NOX4: variants seen among roughly 807,000 people sequenced by gnomAD.
The protein encoded by NOX4 is NADPH oxidase 4.
A neutral mutation model predicts 87.6 loss-of-function variants in NOX4; 69 were observed. The ratio of observed to expected loss-of-function variants is 0.79; its 90% CI spans 0.65 to 0.96. The LOEUF is 0.96. NOX4 is among the 40% of genes least tolerant of loss of function. The pLI is 0.00. For synonymous variants in NOX4, 275 were observed against 238.2 expected (o/e 1.15, Z -1.42); for missense variants, 680 against 681.5 (o/e 1.00, Z 0.02).
At chr11:89,574,431 C>G in the NOX4 span, among the ~76,000 whole-genome samples, 1 of 152,178 alleles carries the variant, frequency 6.6e-6, no homozygotes, top group Non-Finnish European at 1.5e-5. Flanking sequence ...GCTCTTCTCT[C>G]TAGATTTCTG....
At chr11:89,411,063 G>C (rs1486479998) in intron 8 of NOX4, among the ~76,000 whole-genome samples, 4 of 152,122 alleles carry the variant, frequency 2.6e-5, no homozygotes, top group African/African-American at 9.7e-5. Flanking sequence ...CCTGGGCAGA[G>C]GCCTGAGGCC....
At chr11:89,403,674 G>A (rs1482674447) in intron 8 of NOX4, among the ~76,000 whole-genome samples, 7 of 152,126 alleles carry the variant, frequency 4.6e-5, no homozygotes, top group South Asian at 4.2e-4. Flanking sequence ...CCCGGGAGGC[G>A]GAGGTTGCGG....
At chr11:89,364,698 C>T (rs759662538) in intron 12 of NOX4, among the ~76,000 whole-genome samples, 13 of 152,024 alleles carry the variant, frequency 8.6e-5, no homozygotes, top group Admixed American at 8.5e-4. Context: ...CATAGTATTC[C>T]TGTAATATTT....
intron 8 of NOX4, among the ~76,000 whole-genome samples, chr11:89,420,610 A>G (rs918799127): frequency 1.3e-5 from 2 of 152,120 alleles, no homozygotes; most frequent in Admixed American, 6.6e-5. Context: ...AATCAGGTGG[A>G]AAAAAGCCAA....
At chr11:89,562,807 A>C in the NOX4 span, among the ~76,000 whole-genome samples, 4 of 152,170 alleles carry the variant, frequency 2.6e-5, no homozygotes, top group South Asian at 2.1e-4. Flanking sequence ...CAATTAGATC[A>C]TATGATACCA....
the NOX4 span, among the ~76,000 whole-genome samples, chr11:89,552,847 CAG>C: frequency 0.027 from 4,116 of 152,216 alleles, 138 homozygotes; most frequent in African/African-American, 0.082. Flanking sequence ...GAGTCAAAAT[CAG>C]AGCGGAATTC....
rs750563604 is a variant in NOX4 at position 89,340,091 on chromosome 11, G to C, written c.1418C>G (p.Ala473Gly). Residue 473 changes from alanine to glycine, a missense_variant, in exon 15 of 18, where the codon GCA becomes GGA. Physicochemically the swap from Ala to Gly is moderately conservative, Grantham distance 60. Transcript: ENST00000263317. The stretch of plus-strand genomic sequence containing the variant: ...GTTATGCAACATACAGAGTAAATCT[G>C]CAAACCAACGGAAGGACTGGATATC... Reference protein sequence around the residue: ...CRDIQSFRWFADLLCMLHNKF... With the variant: ...CRDIQSFRWFGDLLCMLHNKF... 1.9e-6 allele frequency: 3 copies of C among 1,569,490 alleles called. No individual in the cohort carries two copies. Among genetic ancestry groups the C allele is most frequent in the Non-Finnish European group, 2.6e-6 (3 of 1,164,580 alleles).
chr11:89,444,064 GA>G (rs1326984180), intron 5 of NOX4, 70 bp downstream of exon 5: 6 of 1,347,478 alleles, frequency 4.5e-6, no homozygotes, highest in Middle Eastern at 1.8e-4. Context: ...AATTTTCAGG[GA>G]AAAATCACAG....
At chr11:89,400,889 A>C (rs1318674427) in intron 9 of NOX4, among the ~76,000 whole-genome samples, 1 of 151,410 alleles carries the variant, frequency 6.6e-6, no homozygotes, top group East Asian at 1.9e-4. Flanking sequence ...ACATATGTTT[A>C]AAGATGCAAT....
the NOX4 span, among the ~76,000 whole-genome samples, chr11:89,524,517 A>T: frequency 6.6e-6 from 1 of 152,068 alleles, no homozygotes; most frequent in African/African-American, 2.4e-5. Flanking sequence ...ACCATATCAG[A>T]CCATTGATTC....
chr11:89,405,240 A>C (rs1182327591), intron 8 of NOX4, among the ~76,000 whole-genome samples: 1 of 152,012 alleles, frequency 6.6e-6, no homozygotes, highest in Non-Finnish European at 1.5e-5. Context: ...AGAGTAGTGA[A>C]TGTTGTTACT....
chr11:89,354,729 C>T (rs16913167), intron 13 of NOX4, among the ~76,000 whole-genome samples: 2,304 of 152,238 alleles, frequency 0.015, 66 homozygotes, highest in African/African-American at 0.051. Flanking sequence ...CTGCACTGTG[C>T]GGCAGCTCCT....
the NOX4 span, among the ~76,000 whole-genome samples, chr11:89,506,816 A>G: frequency 6.6e-6 from 1 of 151,980 alleles, no homozygotes; most frequent in East Asian, 1.9e-4. Flanking sequence ...ATAGGCAAAC[A>G]TAACTAAACA....
At chr11:89,380,450 G>T (rs1378429819) in intron 11 of NOX4, among the ~76,000 whole-genome samples, 1 of 152,144 alleles carries the variant, frequency 6.6e-6, no homozygotes, top group East Asian at 1.9e-4. Context: ...GTTGATTTAA[G>T]AGAATGAGAG....
intron 6 of NOX4, among the ~76,000 whole-genome samples, chr11:89,439,683 C>A (rs563618234): frequency 6.6e-6 from 1 of 152,222 alleles, no homozygotes; most frequent in South Asian, 2.1e-4. Flanking sequence ...TCCCCAAATG[C>A]ATCTTTATTC....
chr11:89,344,412 C>T (rs985295555), intron 13 of NOX4, among the ~76,000 whole-genome samples: 8 of 151,952 alleles, frequency 5.3e-5, no homozygotes, highest in Non-Finnish European at 7.4e-5. Flanking sequence ...TAGCTGGGCA[C>T]GGTGGCACAT....
chr11:89,335,231 T>C (rs1192714966), intron 17 of NOX4, among the ~76,000 whole-genome samples: 1 of 151,746 alleles, frequency 6.6e-6, no homozygotes, highest in Non-Finnish European at 1.5e-5. Context: ...AAAAGACAAA[T>C]GGGCTGGCTG....
the NOX4 span, among the ~76,000 whole-genome samples, chr11:89,579,922 A>G: frequency 6.6e-6 from 1 of 152,138 alleles, no homozygotes; most frequent in Admixed American, 6.5e-5. Context: ...ATGAAAAAAA[A>G]AAAGACCATT....
Position 89,405,271 on chromosome 11 carries a change from C to T in NOX4, c.630-2729G>A, listed in dbSNP as rs184303251. Among the ~76,000 whole-genome samples the T allele has an allele frequency of 2.1e-3, 327 of 152,104 alleles. 1 individual carries two copies. The highest frequency in any genetic ancestry group is 3.6e-3 in the Non-Finnish European group (243 of 67,966). ...TTACTATACAGTAAAGTTCTTCAGG[C>T]CAGCCCAATCAAACATTTGTGCTGT... On this transcript the variant is annotated intron_variant, in intron 8 of 17. Transcript: ENST00000263317.
Sources: allele counts gnomAD v4.1 joint callset (sites outside exome capture counted in the v4.1 genomes callset), GRCh38; gene constraint gnomAD v4.1.1; transcripts MANE v1.5; gene names NCBI Gene and HGNC (gene_info 2026-07-23, HGNC 2026-07-21).